The following SEMA3E variants were observed in gnomAD, a reference collection of about 807,000 sequenced individuals.
SEMA3E encodes the protein semaphorin 3E.
Under a neutral mutation model 93.6 loss-of-function variants are expected in SEMA3E, and 49 were observed. That is an observed-to-expected ratio of 0.52 (90% CI 0.42 to 0.66). SEMA3E has a LOEUF of 0.66. Among genes scored for constraint, SEMA3E ranks in the 30% least tolerant of loss-of-function variants. The pLI is 0.00. For synonymous variants in SEMA3E, 363 were observed against 330.7 expected, an observed-to-expected ratio of 1.10 and a Z score of -1.06; for missense variants, 906 against 964.8, an observed-to-expected ratio of 0.94 and a Z score of 0.81.
At chr7:83,610,185 A>G (rs1336320231) in intron 1 of SEMA3E, among the ~76,000 whole-genome samples, 2 of 152,042 alleles carry the variant, frequency 1.3e-5, no homozygotes, top group African/African-American at 4.8e-5. Flanking sequence ...AAAAAGATGT[A>G]GAAAGCTCAC....
chr7:83,510,551 A>G (rs1330100305), intron 1 of SEMA3E, among the ~76,000 whole-genome samples: 1 of 152,160 alleles, frequency 6.6e-6, no homozygotes, highest in East Asian at 1.9e-4. Context: ...ACATTGAACC[A>G]TGAAGAAATG....
At chr7:83,595,790 T>C (rs912952003) in intron 1 of SEMA3E, among the ~76,000 whole-genome samples, 1 of 151,738 alleles carries the variant, frequency 6.6e-6, no homozygotes, top group African/African-American at 2.4e-5. Flanking sequence ...CGGTAGGAAG[T>C]TTATGATTTG....
chr7:83,414,614 T>C (rs945770897), intron 5 of SEMA3E, among the ~76,000 whole-genome samples: 1 of 152,096 alleles, frequency 6.6e-6, no homozygotes, highest in Non-Finnish European at 1.5e-5. Context: ...GTCTTATTAG[T>C]GATTATTTGT....
chr7:83,577,389 A>T lies in SEMA3E; in HGVS notation c.115+71039T>A, dbSNP rs187371079. On this transcript the variant is annotated intron_variant, in intron 1 of 16. Transcript: ENST00000643230. ...TAACTGAAGTTAGAATTTGAAAAAT[A>T]GGATGTAAGTAACTTACCAAGACTC... is the stretch of plus-strand genomic sequence containing the variant. 7.9e-5 allele frequency among the ~76,000 whole-genome samples: 12 copies of T among 152,340 alleles called. No individual in the cohort carries two copies. The East Asian group carries it at 2.3e-3, about 29-fold the overall frequency.
At chr7:83,580,065 G>A (rs1792488357) in intron 1 of SEMA3E, among the ~76,000 whole-genome samples, 1 of 151,970 alleles carries the variant, frequency 6.6e-6, no homozygotes, top group Non-Finnish European at 1.5e-5. Context: ...CATTAGAAAA[G>A]CGAACAAAAC....
chr7:83,511,639 C>T (rs904645719), intron 1 of SEMA3E, among the ~76,000 whole-genome samples: 1 of 152,082 alleles, frequency 6.6e-6, no homozygotes, highest in African/African-American at 2.4e-5. Flanking sequence ...AATCCCAGCA[C>T]TTTGGAAGGG....
intron 1 of SEMA3E, among the ~76,000 whole-genome samples, chr7:83,620,545 A>G (rs1793529902): frequency 6.6e-6 from 1 of 152,092 alleles, no homozygotes; most frequent in South Asian, 2.1e-4. Flanking sequence ...ATACAACAAA[A>G]AAAGAAAACT....
At chr7:83,558,763 C>T (rs1308900692) in intron 1 of SEMA3E, among the ~76,000 whole-genome samples, 1 of 151,906 alleles carries the variant, frequency 6.6e-6, no homozygotes, top group Non-Finnish European at 1.5e-5. Flanking sequence ...ATTAAAACTC[C>T]TACCTTAAGT....
chr7:83,499,024 A>G (rs1562807896), intron 1 of SEMA3E, among the ~76,000 whole-genome samples: 1 of 135,048 alleles, frequency 7.4e-6, no homozygotes, highest in East Asian at 2.0e-4. Context: ...CATAATATAA[A>G]CCTTTTTCTT....
intron 4 of SEMA3E, among the ~76,000 whole-genome samples, chr7:83,432,341 T>A (rs547839126): frequency 6.6e-6 from 1 of 152,256 alleles, no homozygotes; most frequent in African/African-American, 2.4e-5. Flanking sequence ...AGGTAGTTAT[T>A]ACTATTAACA....
chr7:83,442,630 T>C lies in SEMA3E; in HGVS notation c.456+23852A>G, dbSNP rs187228242. On this transcript the variant is annotated intron_variant, in intron 4 of 16. Transcript: ENST00000643230. ...TTTTCTACGTTTGCTAAAGCTGCTA[T>C]ACTCGGGGTCAGGTTTTTGTTTGTG... 3.0e-3 allele frequency among the ~76,000 whole-genome samples: 455 copies of C among 152,364 alleles called. 1 individual carries two copies. The highest frequency in any genetic ancestry group is 0.01 in the African/African-American group (420 of 41,586).
At chr7:83,645,642 C>T (rs1444590662) in intron 1 of SEMA3E, among the ~76,000 whole-genome samples, 3 of 151,774 alleles carry the variant, frequency 2.0e-5, no homozygotes, top group Admixed American at 1.3e-4. Context: ...TTCAATATTA[C>T]CCCATTGGGG....
chr7:83,417,011 ACACAGG>A (rs1236249279), intron 5 of SEMA3E, among the ~76,000 whole-genome samples: 5 of 65,262 alleles, frequency 7.7e-5, no homozygotes, highest in East Asian at 5.9e-4. Flanking sequence ...ACACACACAC[ACACAGG>A]GAGAGAGAGA....
chr7:83,593,535 T>C (rs1045161199), intron 1 of SEMA3E, among the ~76,000 whole-genome samples: 5 of 151,858 alleles, frequency 3.3e-5, no homozygotes, highest in Non-Finnish European at 7.4e-5. Context: ...TACCTGTGAG[T>C]AGAGGCTGAG....
intron 13 of SEMA3E, among the ~76,000 whole-genome samples, chr7:83,393,139 G>C (rs1316870460): frequency 6.6e-6 from 1 of 151,790 alleles, no homozygotes; most frequent in South Asian, 2.1e-4. Context: ...ATAAATGCAG[G>C]AGTACCAAAA....
At chr7:83,550,747 A>G (rs1432691157) in intron 1 of SEMA3E, among the ~76,000 whole-genome samples, 2 of 152,112 alleles carry the variant, frequency 1.3e-5, no homozygotes, top group Non-Finnish European at 2.9e-5. Flanking sequence ...TAAGATGACC[A>G]AGAGAAACTC....
chr7:83,532,277 A>G (rs1254427716), intron 1 of SEMA3E, among the ~76,000 whole-genome samples: 2 of 152,232 alleles, frequency 1.3e-5, no homozygotes, highest in Non-Finnish European at 2.9e-5. Flanking sequence ...TAATTGGCAG[A>G]TAAGACTTTA....
At chr7:83,615,736 G>T (rs1336588444) in intron 1 of SEMA3E, among the ~76,000 whole-genome samples, 4 of 152,054 alleles carry the variant, frequency 2.6e-5, no homozygotes, top group Non-Finnish European at 5.9e-5. Flanking sequence ...TACTTCTATT[G>T]CTGTAAGTGA....
chr7:83,642,387 T>A (rs1327825918), intron 1 of SEMA3E, among the ~76,000 whole-genome samples: 1 of 152,140 alleles, frequency 6.6e-6, no homozygotes, highest in Non-Finnish European at 1.5e-5. Flanking sequence ...AGGAAAGATA[T>A]CAATTCTGCA....
Sources: allele counts gnomAD v4.1 joint callset (sites outside exome capture counted in the v4.1 genomes callset), GRCh38; gene constraint gnomAD v4.1.1; transcripts MANE v1.5; gene names NCBI Gene and HGNC (gene_info 2026-07-23, HGNC 2026-07-21).